Variants in MYO16 observed in about 807,000 individuals in gnomAD.
The protein encoded by MYO16 is myosin XVI, also known as unconventional myosin-XVI.
MYO16 carries 94 observed loss-of-function variants against 205.3 expected under a neutral mutation model. The ratio of observed to expected loss-of-function variants is 0.46; its 90% CI spans 0.39 to 0.54. The LOEUF is 0.54. Ranked by LOEUF, MYO16 falls within the 20% of genes least tolerant of loss-of-function variation. The pLI, the probability that MYO16 is intolerant of heterozygous loss-of-function variation, is 0.00. For missense variants in MYO16, 2,315 were observed against 2,387.5 expected (o/e 0.97, Z 0.63); for synonymous variants, 988 against 954.0 (o/e 1.04, Z -0.66).
intron 12 of MYO16, among the ~76,000 whole-genome samples, chr13:108,873,391 T>C (rs1486052588): frequency 6.6e-6 from 1 of 152,278 alleles, no homozygotes. Flanking sequence ...ACATTCATTT[T>C]TATTTCTAGC....
chr13:108,535,139 T>C, the MYO16 span, among the ~76,000 whole-genome samples: 1 of 151,826 alleles, frequency 6.6e-6, no homozygotes, highest in Admixed American at 6.6e-5. Flanking sequence ...CTTCCTCTTG[T>C]TCTTTCTTGC....
At chr13:108,536,632 T>C in the MYO16 span, among the ~76,000 whole-genome samples, 1 of 152,116 alleles carries the variant, frequency 6.6e-6, no homozygotes, top group African/African-American at 2.4e-5. Context: ...CAGAAGTGAA[T>C]CAGTCAATTT....
At chr13:108,736,608 A>C (rs989519342) in intron 4 of MYO16, among the ~76,000 whole-genome samples, 4 of 152,066 alleles carry the variant, frequency 2.6e-5, no homozygotes, top group African/African-American at 9.7e-5. Context: ...TTTGCTTAGG[A>C]TTGTCTTGGC....
chr13:108,631,350 T>G (rs77526042), intron 1 of MYO16, among the ~76,000 whole-genome samples: 1,941 of 152,268 alleles, frequency 0.013, 27 homozygotes, highest in African/African-American at 0.043. Flanking sequence ...CAGGGAGCAG[T>G]TGGTCACCAA....
chr13:108,582,265 T>C, the MYO16 span, among the ~76,000 whole-genome samples: 1 of 152,196 alleles, frequency 6.6e-6, no homozygotes, highest in African/African-American at 2.4e-5. Flanking sequence ...GAGCTGGATG[T>C]TGAAACACCA....
At chr13:108,746,141 C>T (rs1254788030) in intron 4 of MYO16, among the ~76,000 whole-genome samples, 6 of 151,880 alleles carry the variant, frequency 4.0e-5, no homozygotes, top group East Asian at 1.9e-4. Context: ...TGCAGTGAGC[C>T]GAGATTGTGC....
intron 6 of MYO16, among the ~76,000 whole-genome samples, chr13:108,801,982 C>T (rs914147350): frequency 6.6e-6 from 1 of 152,078 alleles, no homozygotes; most frequent in Non-Finnish European, 1.5e-5. Flanking sequence ...ACAAATAATA[C>T]TTATATGCAT....
Position 109,191,008 on chromosome 13 carries a change from C to A in MYO16, c.5415+11375C>A, listed in dbSNP as rs186082561. 3.9e-3 allele frequency among the ~76,000 whole-genome samples: 598 copies of A among 152,028 alleles called. 3 individuals carry two copies. Among genetic ancestry groups the A allele is most frequent in the African/African-American group, 0.014 (566 of 41,440 alleles). The stretch of plus-strand genomic sequence containing the variant: ...CTGAGGCGGGCGGATCATCTGTGGT[C>A]AAGAGTTCGAGACAAGCCTAGCCAA... On this transcript the variant is annotated intron_variant, in intron 34 of 34. Coordinates refer to ENST00000457511, the MANE Select transcript of MYO16 (RefSeq NM_001198950.3).
intron 20 of MYO16, among the ~76,000 whole-genome samples, chr13:108,988,859 C>T (rs765768097): frequency 8.5e-5 from 13 of 152,128 alleles, no homozygotes; most frequent in Non-Finnish European, 1.6e-4. Context: ...CATCTGTGCT[C>T]GGGACCAGCA....
intron 14 of MYO16, among the ~76,000 whole-genome samples, chr13:108,890,783 A>G (rs1477349775): frequency 2.6e-5 from 4 of 152,162 alleles, no homozygotes; most frequent in Non-Finnish European, 5.9e-5. Flanking sequence ...CTTTACATCA[A>G]GTCCAATAAA....
At chr13:109,109,615 A>G (rs951007947) in intron 28 of MYO16, among the ~76,000 whole-genome samples, 1 of 152,202 alleles carries the variant, frequency 6.6e-6, no homozygotes, top group Non-Finnish European at 1.5e-5. Context: ...CCGTGGCAAC[A>G]ATGAAGGTGC....
upstream of MYO16, among the ~76,000 whole-genome samples, chr13:108,593,773 G>A (rs1217580377): frequency 6.6e-6 from 1 of 152,136 alleles, no homozygotes; most frequent in Non-Finnish European, 1.5e-5. Context: ...TACCCGTGAT[G>A]AAGTCGCACT....
intron 7 of MYO16, among the ~76,000 whole-genome samples, chr13:108,819,141 G>C (rs1295718267): frequency 6.6e-6 from 1 of 152,094 alleles, no homozygotes; most frequent in East Asian, 1.9e-4. Flanking sequence ...TTGTATGTGT[G>C]CACCAAGAGA....
intron 23 of MYO16, among the ~76,000 whole-genome samples, chr13:109,020,790 C>T (rs78759986): frequency 0.017 from 2,583 of 152,210 alleles, 74 homozygotes; most frequent in African/African-American, 0.059. Flanking sequence ...AATCTCTCAC[C>T]GCTGTCTTAC....
intron 16 of MYO16, among the ~76,000 whole-genome samples, chr13:108,941,168 C>T (rs1288127529): frequency 6.6e-6 from 1 of 152,102 alleles, no homozygotes; most frequent in East Asian, 1.9e-4. Flanking sequence ...CAGGGAGAAG[C>T]TGCTCTGGGC....
At chr13:108,697,995 T>G (rs1409842711) in intron 2 of MYO16, among the ~76,000 whole-genome samples, 3 of 152,206 alleles carry the variant, frequency 2.0e-5, no homozygotes, top group Non-Finnish European at 4.4e-5. Flanking sequence ...AGTGCTGGGA[T>G]TACAGGTGTG....
rs1198307369 is a variant in MYO16 at position 109,120,444 on chromosome 13, A to C, written c.3513A>C (p.Arg1171Ser). 16 of 1,611,402 alleles carry C rather than the reference A, an allele frequency of 9.9e-6. No individual in the cohort carries two copies. Among genetic ancestry groups the C allele is most frequent in the Non-Finnish European group, 1.4e-5 (16 of 1,178,794 alleles). The change falls in exon 29 of 35, where the codon AGA becomes AGC. Residue 1171 changes from arginine (R) to serine (S), a missense_variant. Physicochemically the swap from Arg to Ser is moderately radical, Grantham distance 110. Around this residue, in one of 3 missense-constraint regions of MYO16, gnomAD observed 1,097 missense variants for 1,092.0 expected, o/e 1.00. Coordinates refer to ENST00000457511, the MANE Select transcript of MYO16 (RefSeq NM_001198950.3). ...QLNDLCLQLQ[R>S]KIITCQKVIR... ...ATGATTTGTGCCTACAGTTGCAGAGAAAAATTATAACCTGCCAAAAAGGTA... is the reference window on the plus strand; with the variant it reads ...ATGATTTGTGCCTACAGTTGCAGAGCAAAATTATAACCTGCCAAAAAGGTA...
At chr13:108,525,125 A>T in the MYO16 span, among the ~76,000 whole-genome samples, 1 of 152,218 alleles carries the variant, frequency 6.6e-6, no homozygotes, top group East Asian at 1.9e-4. Flanking sequence ...CCCAGCGAGA[A>T]CGACCATTCA....
chr13:108,667,315 G>GTTTTT (rs1186561491), intron 2 of MYO16, among the ~76,000 whole-genome samples: 28 of 118,292 alleles, frequency 2.4e-4, no homozygotes, highest in South Asian at 3.2e-4. Flanking sequence ...GAGAATTTCT[G>GTTTTT]TTTTGTTTTT....
Sources: allele counts gnomAD v4.1 joint callset (sites outside exome capture counted in the v4.1 genomes callset), GRCh38; gene constraint gnomAD v4.1.1; regional missense constraint gnomAD v4.1.1; transcripts MANE v1.5; gene names NCBI Gene and HGNC (gene_info 2026-07-23, HGNC 2026-07-21).